Variants in MFSD1 observed in about 807,000 individuals in gnomAD.
MFSD1 encodes lysosomal dipeptide transporter MFSD1.
Under a neutral mutation model 67.1 loss-of-function variants are expected in MFSD1, and 59 were observed. That is an observed-to-expected ratio of 0.88 (90% confidence interval 0.71 to 1.09). The LOEUF (loss-of-function observed/expected upper bound fraction) is 1.09. MFSD1 is among the 50% of genes least tolerant of loss of function. MFSD1 has a pLI of 0.00. For synonymous variants in MFSD1, 213 were observed against 200.3 expected (o/e 1.06, Z -0.54); for missense variants, 552 against 566.1 (o/e 0.97, Z 0.25).
At chr3:158,808,109 G>A (rs1418238360) in intron 5 of MFSD1, among the ~76,000 whole-genome samples, 1 of 152,190 alleles carries the variant, frequency 6.6e-6, no homozygotes, top group Non-Finnish European at 1.5e-5. Context: ...CCGTCAGTGA[G>A]AGAGAAGGAA....
chr3:158,818,342 A>T lies in MFSD1; in HGVS notation c.653-1307A>T, dbSNP rs189385440. Among the ~76,000 whole-genome samples, 312 of 152,258 alleles carry T rather than the reference A, an allele frequency of 2.0e-3. 2 individuals are homozygous for T. Among genetic ancestry groups the T allele is most frequent in the African/African-American group, 7.1e-3 (294 of 41,570 alleles). ...ATATCCATCACCTCATGCGTCTATC[A>T]CTTTTTTGTAGTGACAACACTCAAA... On this transcript the variant is annotated intron_variant, in intron 7 of 15. Transcript: ENST00000415822.
chr3:158,806,299 T>G (rs1286569639), intron 3 of MFSD1, among the ~76,000 whole-genome samples: 3 of 152,174 alleles, frequency 2.0e-5, no homozygotes, highest in African/African-American at 4.8e-5. Flanking sequence ...AGATTCCTTT[T>G]AATATGAGGA....
In MFSD1 at chr3:158,821,610, G is replaced by C. The variant is rs1381641328; in HGVS notation, c.877G>C (p.Glu293Gln). 6.2e-7 allele frequency: 1 copy of C among 1,608,538 alleles called. No individual in the cohort carries two copies. The highest frequency in any genetic ancestry group is 1.7e-5 in the Admixed American group (1 of 59,762). The change falls in exon 10 of 16, where the codon GAG becomes CAG. Residue 293 changes from glutamate (E) to glutamine (Q), a missense_variant. Physicochemically the swap from Glu to Gln is conservative, Grantham distance 29 (BLOSUM62 2). Coordinates refer to ENST00000415822, the MANE Select transcript of MFSD1 (RefSeq NM_022736.4). Reference sequence around the variant, plus strand: ...TTTTAATTTTAGAGTTTTCTTTACAGAGAAATTTGGATTTTCTTCCCAGGC... The same window carrying C: ...TTTTAATTTTAGAGTTTTCTTTACACAGAAATTTGGATTTTCTTCCCAGGC... ...FIGLGKVFFTEKFGFSSQAAS... is the reference protein window; with the variant it reads ...FIGLGKVFFTQKFGFSSQAAS...
intron 6 of MFSD1, among the ~76,000 whole-genome samples, chr3:158,812,097 C>T (rs951411111): frequency 5.3e-5 from 8 of 152,146 alleles, no homozygotes; most frequent in Admixed American, 2.6e-4. Flanking sequence ...TCTCCAGTCC[C>T]GAGCTAAGAC....
intron 10 of MFSD1, 52 bp downstream of exon 10, chr3:158,821,705 T>G (rs1487164272): frequency 1.4e-6 from 2 of 1,418,514 alleles, no homozygotes; most frequent in Non-Finnish European, 2.0e-6. Flanking sequence ...GTATGGGTCT[T>G]TATAATCAAA....
chr3:158,803,720 T>C (rs1576894895), intron 1 of MFSD1, among the ~76,000 whole-genome samples: 1 of 152,200 alleles, frequency 6.6e-6, no homozygotes, highest in African/African-American at 2.4e-5. Context: ...GAGTGCATGG[T>C]CAGATCTCTC....
Position 158,827,310 on chromosome 3 carries a change from G to T in MFSD1, c.1367G>T (p.Arg456Met), listed in dbSNP as rs769394688. 3 of 1,550,944 alleles carry T rather than the reference G, an allele frequency of 1.9e-6. No homozygotes were observed. The highest frequency in any genetic ancestry group is 2.3e-5 in the East Asian group (1 of 42,716). ...AACCTAAATTATTCTGCAAGACAAA[G>T]GGAAGAAATAAAATTTTCCCATACT... ...GGNLNYSARQREEIKFSHTE is the reference protein window; with the variant it reads ...GGNLNYSARQMEEIKFSHTE Residue 456 changes from arginine (R) to methionine (M), a missense_variant, in exon 15 of 16, where the codon AGG becomes ATG. By Grantham distance (91) the Arg-to-Met change is moderately conservative. Coordinates refer to ENST00000415822, the MANE Select transcript of MFSD1 (RefSeq NM_022736.4).
chr3:158,808,601 G>GT (rs1416671818), intron 5 of MFSD1, among the ~76,000 whole-genome samples: 1 of 152,130 alleles, frequency 6.6e-6, no homozygotes, highest in Non-Finnish European at 1.5e-5. Flanking sequence ...GACTCCTTTT[G>GT]TTGCCTATCA....
At chr3:158,827,043 C>A (rs966463173) in intron 14 of MFSD1, among the ~76,000 whole-genome samples, 7 of 152,118 alleles carry the variant, frequency 4.6e-5, no homozygotes, top group Admixed American at 4.6e-4. Context: ...ATACATAAGT[C>A]CAAACTTAAA....
intron 6 of MFSD1, among the ~76,000 whole-genome samples, chr3:158,812,330 T>A (rs903499042): frequency 6.6e-6 from 1 of 152,220 alleles, no homozygotes. Flanking sequence ...GGAATAGCTC[T>A]TGGCCATTTT....
In MFSD1 at chr3:158,802,087, G is replaced by T. The variant is rs751523835; in HGVS notation, c.-66G>T. ...GACCGCCGTCTTGACAGTGTTCCAC[G>T]GGCGCTGCTTCCTGCCTGGGTTTGG... is the stretch of plus-strand genomic sequence containing the variant. On this transcript the variant is annotated 5_prime_UTR_variant, in exon 1 of 16. Transcript: ENST00000415822. 6 of 1,582,090 alleles carry T rather than the reference G, an allele frequency of 3.8e-6. No individual in the cohort carries two copies. The highest frequency in any genetic ancestry group is 1.3e-5 in the African/African-American group (1 of 74,614).
intron 1 of MFSD1, 126 bp downstream of exon 1, chr3:158,802,441 C>A: frequency 9.2e-7 from 1 of 1,091,476 alleles, no homozygotes. Context: ...AGCTCCTGGG[C>A]CTCCTTATTT....
rs369132536 is a variant in MFSD1 at position 158,819,115 on chromosome 3, A to G, written c.653-534A>G. The stretch of plus-strand genomic sequence containing the variant: ...TTTTCTGTAGTGATATGAGATTGGT[A>G]TTAGAGAGAAATGCTGATCTCACAG... On this transcript the variant is annotated intron_variant, in intron 7 of 15. Transcript: ENST00000415822. Among the ~76,000 whole-genome samples the G allele has an allele frequency of 5.9e-5, 9 of 152,332 alleles. No individual in the cohort carries two copies. The East Asian group carries it at 9.6e-4, about 16-fold the overall frequency.
At chr3:158,814,819 A>G (rs1730232157) in intron 7 of MFSD1, among the ~76,000 whole-genome samples, 1 of 152,140 alleles carries the variant, frequency 6.6e-6, no homozygotes, top group South Asian at 2.1e-4. Flanking sequence ...ACGGTGGCTC[A>G]CACCTATAAT....
chr3:158,804,216 A>G (rs1729601733), intron 1 of MFSD1, 103 bp from the exon 2 acceptor site: 1 of 726,214 alleles, frequency 1.4e-6, no homozygotes, highest in Non-Finnish European at 2.3e-6. Context: ...TGTAGTGTCA[A>G]CCCGTAGTAT....
At chr3:158,823,711 G>C (rs1378272560) in intron 12 of MFSD1, among the ~76,000 whole-genome samples, 186 bp downstream of exon 12, 2 of 152,294 alleles carry the variant, frequency 1.3e-5, no homozygotes, top group South Asian at 2.1e-4. Context: ...CCTCCAGCAA[G>C]AGGGCTGGAG....
At position 158,821,654 on chromosome 3, in the gene MFSD1, G is replaced by A; in HGVS notation, c.920+1G>A. On this transcript the variant is annotated splice_donor_variant, in intron 10 of 15. Coordinates refer to ENST00000415822, the MANE Select transcript of MFSD1 (RefSeq NM_022736.4). LOFTEE classifies it high-confidence loss of function. The stretch of plus-strand genomic sequence containing the variant: ...CCCAGGCAGCAAGTGCAATTAACAG[G>A]TATTTTAAAATTAATTTTGTAAGTG... 6.2e-7 allele frequency: 1 copy of A among 1,605,650 alleles called. No individual in the cohort carries two copies. Among genetic ancestry groups the A allele is most frequent in the South Asian group, 1.1e-5 (1 of 89,624 alleles).
chr3:158,806,791 C>T (rs1234504044), intron 3 of MFSD1, among the ~76,000 whole-genome samples: 1 of 152,100 alleles, frequency 6.6e-6, no homozygotes, highest in East Asian at 1.9e-4. Flanking sequence ...TATGCCATTG[C>T]TAAAGCCTCC....
At chr3:158,802,785 C>T (rs1471767085) in intron 1 of MFSD1, among the ~76,000 whole-genome samples, 1 of 152,126 alleles carries the variant, frequency 6.6e-6, no homozygotes, top group Non-Finnish European at 1.5e-5. Context: ...ACTGCAGCCT[C>T]CACCTCCTGG....
Sources: allele counts gnomAD v4.1 joint callset (sites outside exome capture counted in the v4.1 genomes callset), GRCh38; gene constraint gnomAD v4.1.1; transcripts MANE v1.5; gene names NCBI Gene and HGNC (gene_info 2026-07-23, HGNC 2026-07-21).